Variants in TBX22 observed in about 807,000 individuals in gnomAD.
TBX22 encodes the protein T-box transcription factor 22.
TBX22 carries 8 observed loss-of-function variants against 30.1 expected under a neutral mutation model. The ratio of observed to expected loss-of-function variants is 0.27; its 90% CI spans 0.16 to 0.48. The LOEUF (loss-of-function observed/expected upper bound fraction) is 0.48. Among genes scored for constraint, TBX22 ranks in the 20% least tolerant of loss-of-function variants. TBX22 has a pLI of 0.99. For synonymous variants in TBX22, 173 were observed against 149.1 expected (o/e 1.16, Z -1.17); for missense variants, 463 against 400.5 (o/e 1.16, Z -1.33).
chrX:80,024,484 G>T (rs1429826734), intron 4 of TBX22, among the ~76,000 whole-genome samples: 1 of 111,262 alleles, frequency 9.0e-6, no homozygotes, highest in African/African-American at 3.3e-5. Flanking sequence ...ACTGCAGAGG[G>T]TGTGGGCTCT....
At chrX:80,023,383 C>G in intron 3 of TBX22, 143 bp downstream of exon 3, 1 of 600,094 alleles carries the variant, frequency 1.7e-6, no homozygotes. Flanking sequence ...CAGTAGAAAG[C>G]CATAGCCCCT....
At position 80,028,066 on chromosome X, in the gene TBX22, A is replaced by C. The variant is rs1361873476; in HGVS notation, c.939A>C (p.Ala313=). 1 of 1,208,039 alleles carries C rather than the reference A, an allele frequency of 8.3e-7. No individual in the cohort carries two copies. Among genetic ancestry groups the C allele is most frequent in the Non-Finnish European group, 1.1e-6 (1 of 892,301 alleles). Residue 313 remains alanine (A), a synonymous_variant, in exon 8 of 9, where the codon GCA becomes GCC. Transcript: ENST00000373296. ...SFTLDFKTFG[A]DTQSGSSGSS... ...CTCTCGATTTTAAAACCTTTGGCGC[A>C]GACACACAAAGTAAGAAAACTTGGA...
chrX:80,030,762 C>A lies in TBX22; in HGVS notation c.1214C>A (p.Pro405Gln), dbSNP rs1025023287. 8.3e-7 allele frequency: 1 copy of A among 1,211,849 alleles called. No individual in the cohort carries two copies. The highest frequency in any genetic ancestry group is 2.2e-5 in the Admixed American group (1 of 46,036). The change falls in exon 9 of 9, where the codon CCA (proline) becomes CAA (glutamine). Residue 405 changes from proline (P) to glutamine (Q), a missense_variant. By Grantham distance (76) the Pro-to-Gln change is moderately conservative. Coordinates refer to ENST00000373296, the MANE Select transcript of TBX22 (RefSeq NM_001109878.2). Reference sequence around the variant, plus strand: ...AGCAACAGTTCTCAGTCTTTAGCCCCACTCATGATGGAAGTGCCTATGTTA... The same window carrying A: ...AGCAACAGTTCTCAGTCTTTAGCCCAACTCATGATGGAAGTGCCTATGTTA... Reference protein sequence around the residue: ...ASSNSSQSLAPLMMEVPMLSS... With the variant: ...ASSNSSQSLAQLMMEVPMLSS...
At position 80,023,122 on chromosome X, in the gene TBX22, T is replaced by A. The variant is rs776576140; in HGVS notation, c.238T>A (p.Tyr80Asn). 8.3e-7 allele frequency: 1 copy of A among 1,211,978 alleles called. No individual in the cohort carries two copies. The highest frequency in any genetic ancestry group is 1.1e-6 in the Non-Finnish European group (1 of 895,468). ...ASSGCGSDSG[Y>N]GNSSESLEEK... is the part of the protein sequence containing the mutation. ...CTCTGGCTGCGGCAGCGACAGCGGC[T>A]ACGGCAACAGCTCTGAAAGTCTGGA... Residue 80 changes from tyrosine to asparagine, a missense_variant, in exon 3 of 9, where the codon TAC becomes AAC. Tyr to Asn is a moderately radical substitution (Grantham distance 143, BLOSUM62 -2). Transcript: ENST00000373296.
In TBX22 at chrX:80,026,591, C is replaced by G. The variant is rs1012787777; in HGVS notation, c.634-113C>G. The G allele has an allele frequency of 1.1e-5, 9 of 820,367 alleles. No homozygotes were observed. The African/African-American group carries it at 1.6e-4, about 15-fold the overall frequency. The allele number at this position is 820,367 out of a possible 1,213,427, so 67.6% of individuals were successfully genotyped here. A position where few individuals can be genotyped will look rare whatever the true frequency, so the allele number is the denominator to read the frequency against. On this transcript the variant is annotated intron_variant, in intron 5 of 8. Transcript: ENST00000373296. ...CCAAATGGCACAACAAAGTAGTTAC[C>G]TAAGCTTCATCATTGCCTTTTTGTG...
intron 2 of TBX22, chrX:80,022,760 C>T (rs1923776764): frequency 4.8e-6 from 2 of 416,936 alleles, no homozygotes. Context: ...TTCCCAAATC[C>T]CGAGGGCATC....
At chrX:80,017,960 G>A (rs742307) in intron 1 of TBX22, among the ~76,000 whole-genome samples, 26,365 of 110,887 alleles carry the variant, frequency 0.24, 2,395 homozygotes, top group East Asian at 0.36. Context: ...TTGCAAGCAT[G>A]AGCATTTCGC....
rs769042229 is a variant in TBX22 at position 80,031,454 on chromosome X, C to A, written c.*343C>A. 2.2e-5 allele frequency: 4 copies of A among 179,436 alleles called. No individual in the cohort carries two copies. The allele number at this position is 179,436 out of a possible 1,213,427, so 14.8% of individuals were successfully genotyped here. Reference sequence around the variant, plus strand: ...AGTTCACCACGTTAACTGCATTTTACACATTGACAATGACAAAAAGAAGAT... The same window carrying A: ...AGTTCACCACGTTAACTGCATTTTAAACATTGACAATGACAAAAAGAAGAT... On this transcript the variant is annotated 3_prime_UTR_variant, in exon 9 of 9. Coordinates refer to ENST00000373296, the MANE Select transcript of TBX22 (RefSeq NM_001109878.2).
At chrX:80,030,121 C>T (rs1369951411) in intron 8 of TBX22, among the ~76,000 whole-genome samples, 1 of 111,624 alleles carries the variant, frequency 9.0e-6, no homozygotes, top group Non-Finnish European at 1.9e-5. Context: ...AGATCCCTCA[C>T]ATGCACAGTT....
chrX:80,030,760 C>T lies in TBX22; in HGVS notation c.1212C>T (p.Ala404=), dbSNP rs746945683. The T allele has an allele frequency of 6.1e-5, 74 of 1,210,035 alleles. No individual in the cohort carries two copies. The highest frequency in any genetic ancestry group is 7.7e-5 in the Non-Finnish European group (69 of 895,119). ...GCAGCAACAGTTCTCAGTCTTTAGC[C>T]CCACTCATGATGGAAGTGCCTATGT... The part of the protein sequence containing the change: ...LASSNSSQSL[A]PLMMEVPMLS... Residue 404 remains alanine, a synonymous_variant, in exon 9 of 9, where the codon GCC becomes GCT. Transcript: ENST00000373296.
intron 6 of TBX22, 81 bp from the exon 7 acceptor site, chrX:80,027,175 G>T: frequency 1.7e-6 from 1 of 586,437 alleles, no homozygotes; most frequent in Non-Finnish European, 3.0e-6. Flanking sequence ...TCTTCTGGTG[G>T]TTGTAACCAC....
At chrX:80,024,282 G>A (rs1161821735) in intron 4 of TBX22, 118 bp downstream of exon 4, 2 of 641,151 alleles carry the variant, frequency 3.1e-6, no homozygotes, top group Non-Finnish European at 2.6e-6. Context: ...TGGGAGTGGG[G>A]GATTGCTCTC....
At chrX:80,019,153 C>T (rs781380209) in intron 1 of TBX22, among the ~76,000 whole-genome samples, 4 of 111,545 alleles carry the variant, frequency 3.6e-5, no homozygotes, top group Non-Finnish European at 5.6e-5. Flanking sequence ...AAGCAAACAA[C>T]GATAATTTAT....
rs1412033085 is a variant in TBX22 at position 80,030,771 on chromosome X, T to G, written c.1223T>G (p.Met408Arg). Reference sequence around the variant, plus strand: ...TCTCAGTCTTTAGCCCCACTCATGATGGAAGTGCCTATGTTATCTTCCCTG... The same window carrying G: ...TCTCAGTCTTTAGCCCCACTCATGAGGGAAGTGCCTATGTTATCTTCCCTG... ...NSSQSLAPLM[M>R]EVPMLSSLGV... Residue 408 changes from methionine to arginine, a missense_variant, in exon 9 of 9, where the codon ATG becomes AGG. Met to Arg is a moderately conservative substitution (Grantham distance 91, BLOSUM62 -1). Transcript: ENST00000373296. 8.3e-7 allele frequency: 1 copy of G among 1,210,087 alleles called. No individual in the cohort carries two copies. Among genetic ancestry groups the G allele is most frequent in the Non-Finnish European group, 1.1e-6 (1 of 895,033 alleles).
intron 1 of TBX22, among the ~76,000 whole-genome samples, chrX:80,017,368 T>A (rs1210698161): frequency 4.6e-5 from 5 of 108,863 alleles, no homozygotes; most frequent in Non-Finnish European, 9.5e-5. Context: ...CTTGCTATGT[T>A]GCCCAGGATG....
At chrX:80,027,341 ATC>A in intron 7 of TBX22, 21 bp downstream of exon 7, 1 of 874,689 alleles carries the variant, frequency 1.1e-6, no homozygotes, top group Non-Finnish European at 1.7e-6. Flanking sequence ...TAGCAATGAC[ATC>A]TAATATTGAT....
chrX:80,016,766 G>T (rs184452957), intron 1 of TBX22, among the ~76,000 whole-genome samples: 3 of 110,904 alleles, frequency 2.7e-5, no homozygotes, highest in African/African-American at 9.8e-5. Flanking sequence ...AGCACTTTGG[G>T]AGGCTGAGGC....
chrX:80,025,807 A>G lies in TBX22; in HGVS notation c.633+30A>G, dbSNP rs546083415. On this transcript the variant is annotated intron_variant, in intron 5 of 8. Coordinates refer to ENST00000373296, the MANE Select transcript of TBX22 (RefSeq NM_001109878.2). Reference sequence around the variant, plus strand: ...GTGAGCACAATCCTTTACCCCGAGGAGGGAGGTGCCAAGGCTCCTGCCCAC... The same window carrying G: ...GTGAGCACAATCCTTTACCCCGAGGGGGGAGGTGCCAAGGCTCCTGCCCAC... 9 of 1,166,102 alleles carry G rather than the reference A, an allele frequency of 7.7e-6. No homozygotes were observed. The South Asian group carries it at 1.3e-4, about 17-fold the overall frequency.
intron 5 of TBX22, among the ~76,000 whole-genome samples, chrX:80,026,004 G>A (rs1005125108): frequency 9.0e-6 from 1 of 111,488 alleles, no homozygotes; most frequent in Non-Finnish European, 1.9e-5. Context: ...GGAGTTTGAG[G>A]ACAGAAGGAG....
Sources: gnomAD v4.1 joint callset for allele counts (sites outside exome capture counted in the v4.1 genomes callset) on GRCh38, gnomAD v4.1.1 for gene constraint, MANE v1.5 for transcripts, NCBI Gene and HGNC (gene_info 2026-07-23, HGNC 2026-07-21) for gene names.